TVP23B: variants seen among roughly 807,000 people sequenced by gnomAD.
The protein encoded by TVP23B is trans-golgi network vesicle protein 23 homolog B.
Under a neutral mutation model 30.6 loss-of-function variants are expected in TVP23B, and 10 were observed. The ratio of observed to expected loss-of-function variants is 0.33; its 90% confidence interval spans 0.20 to 0.55. The LOEUF (loss-of-function observed/expected upper bound fraction) is 0.55, where lower values mean the gene tolerates loss of function less well. TVP23B is among the 20% of genes least tolerant of loss of function. The pLI, the probability that TVP23B is intolerant of heterozygous loss-of-function variation, is 0.91. For missense variants in TVP23B, 153 were observed against 243.2 expected (o/e 0.63, Z 2.47); for synonymous variants, 67 against 83.1 (o/e 0.81, Z 1.06).
At chr17:18,787,722 GCTTCAGTGCT>G (rs1424817016) in intron 1 of TVP23B, among the ~76,000 whole-genome samples, 1 of 152,166 alleles carries the variant, frequency 6.6e-6, no homozygotes, top group African/African-American at 2.4e-5. Context: ...TAACAGTATT[GCTTCAGTGCT>G]CAACAGTGCT....
intron 3 of TVP23B, chr17:18,797,095 A>T (rs2036088108): frequency 2.3e-5 from 4 of 170,388 alleles, no homozygotes; most frequent in Admixed American, 2.2e-4. Context: ...ATATTTGTTG[A>T]GTAAATAAAG....
intron 1 of TVP23B, among the ~76,000 whole-genome samples, chr17:18,785,845 A>G (rs866691573): frequency 6.6e-5 from 10 of 152,094 alleles, no homozygotes; most frequent in African/African-American, 2.4e-4. Flanking sequence ...AAAAAAAAAA[A>G]TGGCCAGTCT....
intron 3 of TVP23B, chr17:18,796,740 T>C (rs1005734124): frequency 2.6e-5 from 4 of 152,196 alleles, no homozygotes; most frequent in South Asian, 2.1e-4. Flanking sequence ...TTAATGAAAA[T>C]GAAGGTAACA....
rs201426240 is a variant in TVP23B, at chr17:18,804,138, G to C, written c.463G>C (p.Ala155Pro). The C allele has an allele frequency of 3.7e-6, 6 of 1,613,882 alleles. No individual in the cohort carries two copies. Among genetic ancestry groups the C allele is most frequent in the Non-Finnish European group, 4.2e-6 (5 of 1,179,830 alleles). Residue 155 changes from alanine (A) to proline (P), a missense_variant and splice_region_variant, in exon 6 of 7, where the codon GCG (alanine) becomes CCG (proline). Coordinates refer to ENST00000307767, the MANE Select transcript of TVP23B (RefSeq NM_016078.6). ...ALFSFRVKWL[A>P]VVIMGVVLQG... ...TTGATTATTTTTTCCCTTGTCCCAG[G>C]CGGTGGTTATCATGGGTGTGGTGCT...
intron 1 of TVP23B, among the ~76,000 whole-genome samples, chr17:18,784,105 A>T (rs1343590983): frequency 6.6e-6 from 1 of 151,998 alleles, no homozygotes; most frequent in Admixed American, 6.6e-5. Flanking sequence ...AGATCGCGCC[A>T]CTGCACTCCA....
chr17:18,798,797 T>G lies in TVP23B; in HGVS notation c.331-15T>G. 1 of 1,589,176 alleles carries G rather than the reference T, an allele frequency of 6.3e-7. No homozygotes were observed. On this transcript the variant is annotated splice_polypyrimidine_tract_variant and intron_variant, in intron 4 of 6. Coordinates refer to ENST00000307767, the MANE Select transcript of TVP23B (RefSeq NM_016078.6). ...AATTTCACAACATGATAATTGAATT[T>G]ATGTTCTTTTATAGGAGTCCTCTCA...
chr17:18,785,549 G>A (rs1016065246), intron 1 of TVP23B, among the ~76,000 whole-genome samples: 5 of 151,960 alleles, frequency 3.3e-5, no homozygotes, highest in Admixed American at 6.6e-5. Context: ...AGAACCTGAC[G>A]GGGCCCAAGT....
At chr17:18,804,089 A>G (rs1567638443) in intron 5 of TVP23B, 49 bp from the exon 6 acceptor site, 2 of 1,595,448 alleles carry the variant, frequency 1.3e-6, no homozygotes, top group Admixed American at 1.7e-5. Context: ...GCACAGAGAA[A>G]GGTCAATTTC....
intron 2 of TVP23B, chr17:18,789,733 A>G (rs1368988567): frequency 1.4e-5 from 4 of 278,228 alleles, no homozygotes; most frequent in South Asian, 9.1e-5. Context: ...CTATAGATAC[A>G]TTACATTTTG....
At chr17:18,803,198 A>G (rs2036194394) in intron 5 of TVP23B, among the ~76,000 whole-genome samples, 2 of 152,022 alleles carry the variant, frequency 1.3e-5, no homozygotes, top group African/African-American at 2.4e-5. Flanking sequence ...TTATTCCAGA[A>G]CAAGGGTTGG....
rs190021816 is a variant in TVP23B at position 18,794,805 on chromosome 17, A to C, written c.241-2774A>C. On this transcript the variant is annotated intron_variant, in intron 3 of 6. Transcript: ENST00000307767. ...TTTTTTTTTACTTAGCATCTCTCCC[A>C]TAGGAATTTTGGTCTCATAAGACTC... Among the ~76,000 whole-genome samples, 191 of 149,240 alleles carry C rather than the reference A, an allele frequency of 1.3e-3. 1 individual carries two copies. The highest frequency in any genetic ancestry group is 1.9e-3 in the Non-Finnish European group (128 of 67,524).
intron 1 of TVP23B, among the ~76,000 whole-genome samples, chr17:18,787,876 T>C (rs1410232927): frequency 1.3e-5 from 2 of 151,932 alleles, no homozygotes; most frequent in Non-Finnish European, 2.9e-5. Flanking sequence ...AGTGACATGG[T>C]GTGATTTCCA....
chr17:18,791,574 T>C (rs2035995241), intron 3 of TVP23B, among the ~76,000 whole-genome samples: 1 of 152,214 alleles, frequency 6.6e-6, no homozygotes, highest in Middle Eastern at 3.4e-3. Context: ...TTGGTTGTCA[T>C]GACTGGAGGT....
At chr17:18,795,097 C>T (rs1231014190) in intron 3 of TVP23B, among the ~76,000 whole-genome samples, 1 of 127,154 alleles carries the variant, frequency 7.9e-6, no homozygotes, top group African/African-American at 3.0e-5. Flanking sequence ...GTGATCTCGG[C>T]TCACTGCAAC....
chr17:18,803,377 C>G (rs1422542896), intron 5 of TVP23B, among the ~76,000 whole-genome samples: 2 of 152,130 alleles, frequency 1.3e-5, no homozygotes, highest in African/African-American at 4.8e-5. Context: ...ATGATTTGAC[C>G]CTTTACAGGA....
chr17:18,794,982 G>A (rs1484553624), intron 3 of TVP23B, among the ~76,000 whole-genome samples: 1 of 129,646 alleles, frequency 7.7e-6, no homozygotes, highest in Admixed American at 7.7e-5. Context: ...TCTTCTTGAC[G>A]TTTTTATGTG....
chr17:18,800,562 T>C (rs2036145348), intron 5 of TVP23B, among the ~76,000 whole-genome samples: 1 of 152,206 alleles, frequency 6.6e-6, no homozygotes, highest in Non-Finnish European at 1.5e-5. Flanking sequence ...TCCATCATTT[T>C]CTTTCACTGA....
At chr17:18,792,182 C>CCT (rs2036007623) in intron 3 of TVP23B, among the ~76,000 whole-genome samples, 1 of 151,844 alleles carries the variant, frequency 6.6e-6, no homozygotes, top group Non-Finnish European at 1.5e-5. Context: ...TACAGGCATG[C>CCT]ACCACCACGC....
chr17:18,804,849 A>G (rs1351213036), intron 6 of TVP23B, among the ~76,000 whole-genome samples: 1 of 151,980 alleles, frequency 6.6e-6, no homozygotes, highest in Non-Finnish European at 1.5e-5. Context: ...CGGCCTCCCA[A>G]AGTGCTGGGA....
Sources: gnomAD v4.1 joint callset for allele counts (sites outside exome capture counted in the v4.1 genomes callset) on GRCh38, gnomAD v4.1.1 for gene constraint, MANE v1.5 for transcripts, NCBI Gene and HGNC (gene_info 2026-07-23, HGNC 2026-07-21) for gene names.